Variants in TJP1 observed in about 807,000 individuals in gnomAD.
TJP1 encodes tight junction protein ZO-1.
TJP1 carries 43 observed loss-of-function variants against 194.2 expected under a neutral mutation model. The ratio of observed to expected loss-of-function variants is 0.22; its 90% CI spans 0.17 to 0.29. The LOEUF is 0.29. TJP1 is among the 10% of genes least tolerant of loss of function. The pLI is 1.00. For synonymous variants in TJP1, 801 were observed against 779.0 expected (o/e 1.03, Z -0.47); for missense variants, 1,971 against 2,185.7 (o/e 0.90, Z 1.96).
intron 8 of TJP1, among the ~76,000 whole-genome samples, chr15:29,750,141 G>T (rs2151428398): frequency 6.6e-6 from 1 of 152,086 alleles, no homozygotes; most frequent in African/African-American, 2.4e-5. Flanking sequence ...CCGAGCAGCT[G>T]GACTACAGGC....
intron 2 of TJP1, among the ~76,000 whole-genome samples, chr15:29,873,021 T>C (rs1305163161): frequency 6.6e-6 from 1 of 152,168 alleles, no homozygotes; most frequent in Non-Finnish European, 1.5e-5. Context: ...CAGAAAGTCA[T>C]TTTTGGATTC....
chr15:29,960,469 C>CA (rs11389193), intron 1 of TJP1, among the ~76,000 whole-genome samples: 24,252 of 151,404 alleles, frequency 0.16, 2,076 homozygotes, highest in Admixed American at 0.2. Flanking sequence ...CCCGTCTCTA[C>CA]AAAAAATACA....
intron 2 of TJP1, among the ~76,000 whole-genome samples, chr15:29,851,093 G>A (rs561075471): frequency 3.9e-5 from 6 of 152,192 alleles, no homozygotes; most frequent in East Asian, 3.9e-4. Context: ...AGCCAAGACT[G>A]TGCCACTGCA....
chr15:29,756,273 A>G (rs188578284), intron 8 of TJP1, among the ~76,000 whole-genome samples: 2 of 152,350 alleles, frequency 1.3e-5, no homozygotes, highest in Admixed American at 6.5e-5. Context: ...AGTGAAATAC[A>G]AAACAAAGCA....
intron 2 of TJP1, 193 bp downstream of exon 2, chr15:29,800,453 G>T: frequency 3.4e-6 from 2 of 582,066 alleles, no homozygotes; most frequent in Non-Finnish European, 6.0e-6. Context: ...ATACTCAAAA[G>T]GATATATGAA....
intron 2 of TJP1, among the ~76,000 whole-genome samples, chr15:29,861,945 G>A (rs920684741): frequency 2.8e-4 from 42 of 152,074 alleles, no homozygotes; most frequent in African/African-American, 8.7e-4. Context: ...ACTTACTCCT[G>A]TGTTTTCTTC....
At chr15:29,794,810 A>C (rs2048303175) in intron 2 of TJP1, among the ~76,000 whole-genome samples, 1 of 152,030 alleles carries the variant, frequency 6.6e-6, no homozygotes, top group South Asian at 2.1e-4. Context: ...CGCTTCCAGT[A>C]AAAAAAACTA....
intron 1 of TJP1, among the ~76,000 whole-genome samples, chr15:29,803,537 C>A (rs115082339): frequency 6.6e-6 from 1 of 152,088 alleles, no homozygotes; most frequent in African/African-American, 2.4e-5. Flanking sequence ...TTTCAACTTA[C>A]GATGAGTTTA....
At chr15:29,872,237 A>G (rs538872145) in intron 2 of TJP1, among the ~76,000 whole-genome samples, 7 of 152,290 alleles carry the variant, frequency 4.6e-5, no homozygotes, top group Admixed American at 1.3e-4. Flanking sequence ...AGGTACTTAT[A>G]TTGTAAGCAT....
intron 2 of TJP1, among the ~76,000 whole-genome samples, chr15:29,791,903 T>C (rs1197851647): frequency 1.3e-5 from 2 of 152,134 alleles, no homozygotes; most frequent in African/African-American, 2.4e-5. Flanking sequence ...CTGTTGACCA[T>C]TTACCCATAT....
chr15:29,963,396 G>A (rs935184616), intron 1 of TJP1, among the ~76,000 whole-genome samples: 1 of 152,100 alleles, frequency 6.6e-6, no homozygotes, highest in African/African-American at 2.4e-5. Context: ...TTGTAAAACC[G>A]AGAAAATACA....
At chr15:29,927,788 T>C (rs1258744594) in intron 2 of TJP1, among the ~76,000 whole-genome samples, 1 of 152,026 alleles carries the variant, frequency 6.6e-6, no homozygotes, top group Non-Finnish European at 1.5e-5. Context: ...GGCACATAAA[T>C]TGGAATCCAA....
chr15:29,732,144 T>C, intron 15 of TJP1: 2 of 339,760 alleles, frequency 5.9e-6, no homozygotes, highest in Non-Finnish European at 1.1e-5. Flanking sequence ...GTAACATGGA[T>C]ATTATACTCC....
intron 15 of TJP1, chr15:29,730,713 A>G: frequency 1.3e-6 from 1 of 766,546 alleles, no homozygotes; most frequent in Non-Finnish European, 2.4e-6. Flanking sequence ...CACCGCCACC[A>G]TGCCCAAGAG....
At chr15:29,817,621 GTACATATA>G (rs1429423290) in intron 1 of TJP1, among the ~76,000 whole-genome samples, 1 of 152,082 alleles carries the variant, frequency 6.6e-6, no homozygotes, top group Non-Finnish European at 1.5e-5. Flanking sequence ...AGAAAATGTG[GTACATATA>G]TACACCATGG....
chr15:29,794,280 T>C, intron 2 of TJP1, among the ~76,000 whole-genome samples: 1 of 152,186 alleles, frequency 6.6e-6, no homozygotes, highest in South Asian at 2.1e-4. Context: ...GAAACCCAGC[T>C]GTTTTCCTAG....
In TJP1 at chr15:29,907,392, G is replaced by C. The variant is rs144378662; in HGVS notation, c.306+48840C>G. Among the ~76,000 whole-genome samples the C allele has an allele frequency of 3.9e-5, 6 of 152,244 alleles. No individual in the cohort carries two copies. The East Asian group carries it at 7.8e-4, about 20-fold the overall frequency. On this transcript the variant is annotated intron_variant, in intron 2 of 28. Coordinates refer to the TJP1 transcript ENST00000356107. ...CCACTGCACTCCAGCCTGGGTGACA[G>C]AGCGAGACTCCATCTCAAAAAAACA...
rs1208308487 is a variant in TJP1 at position 29,950,753 on chromosome 15, C to A, written c.306+5479G>T. 4.6e-5 allele frequency among the ~76,000 whole-genome samples: 7 copies of A among 152,152 alleles called. No homozygotes were observed. The East Asian group carries it at 1.3e-3, about 29-fold the overall frequency. The stretch of plus-strand genomic sequence containing the variant: ...CCCAGCTCCCTTCTCACCAGCCAGG[C>A]GCCCATGGTGGAGAAAAACTTAGGA... On this transcript the variant is annotated intron_variant, in intron 2 of 28. Coordinates refer to the TJP1 transcript ENST00000356107.
At chr15:29,949,293 C>A in intron 2 of TJP1, among the ~76,000 whole-genome samples, 1 of 128,010 alleles carries the variant, frequency 7.8e-6, no homozygotes, top group African/African-American at 3.1e-5. Flanking sequence ...ACCGCCATCA[C>A]CTCCACCACC....
Sources: allele counts gnomAD v4.1 joint callset (sites outside exome capture counted in the v4.1 genomes callset), GRCh38; gene constraint gnomAD v4.1.1; transcripts MANE v1.5; gene names NCBI Gene and HGNC (gene_info 2026-07-23, HGNC 2026-07-21).